Variants in PGAP2 observed in about 807,000 individuals in gnomAD.
PGAP2 encodes the protein post-GPI attachment to proteins 2, also known as acyltransferase PGAP2.
Under a neutral mutation model 33.2 loss-of-function variants are expected in PGAP2, and 21 were observed. That is an observed-to-expected ratio of 0.63 (90% confidence interval 0.45 to 0.91). The LOEUF (loss-of-function observed/expected upper bound fraction) is 0.91. Ranked by LOEUF, PGAP2 falls within the 40% of genes least tolerant of loss-of-function variation. The pLI, the probability that PGAP2 is intolerant of heterozygous loss-of-function variation, is 0.00. For synonymous variants in PGAP2, 161 were observed against 172.9 expected, an observed-to-expected ratio of 0.93 and a Z score of 0.54; for missense variants, 345 against 424.0, an observed-to-expected ratio of 0.81 and a Z score of 1.64.
chr11:3,819,502 G>C (rs937462384), intron 3 of PGAP2, among the ~76,000 whole-genome samples: 5 of 151,912 alleles, frequency 3.3e-5, no homozygotes. Flanking sequence ...GGGACAGTAC[G>C]GTAGCTAGAG....
At chr11:3,801,376 C>CTG (rs2083419414) in intron 1 of PGAP2, among the ~76,000 whole-genome samples, 1 of 152,162 alleles carries the variant, frequency 6.6e-6, no homozygotes, top group Admixed American at 6.5e-5. Context: ...GGCATGGTGG[C>CTG]TCAAGCCTGT....
chr11:3,822,320 C>T (rs1283113741), intron 3 of PGAP2, among the ~76,000 whole-genome samples: 4 of 151,968 alleles, frequency 2.6e-5, no homozygotes, highest in East Asian at 1.9e-4. Flanking sequence ...GCCAAGATCG[C>T]GCCACTGCAC....
In PGAP2 at chr11:3,810,789, G is replaced by T. The variant is rs117734721; in HGVS notation, c.-10-461G>T. Among the ~76,000 whole-genome samples, 1,272 of 152,336 alleles carry T rather than the reference G, an allele frequency of 8.3e-3. 11 individuals carry two copies. The highest frequency in any genetic ancestry group is 0.015 in the Non-Finnish European group (1,033 of 68,030). On this transcript the variant is annotated intron_variant, in intron 1 of 6. Transcript: ENST00000278243. ...AGGTGCAGGAGGGCCCTGGGCCAGT[G>T]GGGAAGCAAATGAGAGCTGATGAGA...
intron 2 of PGAP2, among the ~76,000 whole-genome samples, chr11:3,815,288 G>A (rs2134570928): frequency 6.6e-6 from 1 of 151,742 alleles, no homozygotes; most frequent in Admixed American, 6.6e-5. Flanking sequence ...ACAGTAATGA[G>A]GGGCCTTGAG....
At chr11:3,801,443 C>T (rs1241189832) in intron 1 of PGAP2, among the ~76,000 whole-genome samples, 1 of 146,230 alleles carries the variant, frequency 6.8e-6, no homozygotes. Flanking sequence ...GAGATCGAGA[C>T]CATCCTGGCT....
Position 3,823,864 on chromosome 11 carries a change from A to G in PGAP2, c.349-19A>G. The G allele has an allele frequency of 1.3e-6, 2 of 1,599,422 alleles. No homozygotes were observed. The highest frequency in any genetic ancestry group is 2.2e-5 in the South Asian group (2 of 91,068). On this transcript the variant is annotated intron_variant, in intron 3 of 6. Coordinates refer to ENST00000278243, the MANE Select transcript of PGAP2 (RefSeq NM_014489.4). ...GGGGCTGGCAGAGGCAGATGCCCAG[A>G]CAGGTCACAACTCTCTAGGTGCCCA...
At chr11:3,822,014 G>T (rs112826947) in intron 3 of PGAP2, among the ~76,000 whole-genome samples, 7,153 of 151,514 alleles carry the variant, frequency 0.047, 574 homozygotes, top group African/African-American at 0.16. Context: ...GCCGAGATCG[G>T]GCTATGGCAC....
In PGAP2 at chr11:3,824,378, T is replaced by A. The variant is rs2089593671; in HGVS notation, c.708+2T>A. 8.1e-6 allele frequency: 13 copies of A among 1,614,096 alleles called. No individual in the cohort carries two copies. Among genetic ancestry groups the A allele is most frequent in the Non-Finnish European group, 1.1e-5 (13 of 1,179,974 alleles). Reference sequence around the variant, plus strand: ...AAGAAGCACACAGTAAGTCAGGAGGTACGGTCTATCCCTAGCGGGGGCTCC... The same window carrying A: ...AAGAAGCACACAGTAAGTCAGGAGGAACGGTCTATCCCTAGCGGGGGCTCC... On this transcript the variant is annotated splice_donor_variant, in intron 5 of 6. Coordinates refer to ENST00000278243, the MANE Select transcript of PGAP2 (RefSeq NM_014489.4). LOFTEE classifies it high-confidence loss of function.
chr11:3,814,786 T>TTC (rs1324481382), intron 2 of PGAP2, among the ~76,000 whole-genome samples: 1 of 108,536 alleles, frequency 9.2e-6, no homozygotes, highest in African/African-American at 2.8e-5. Flanking sequence ...CTTTCTTTCT[T>TTC]TCTTTCTTTC....
At chr11:3,825,299 A>G (rs775749651) in intron 6 of PGAP2, 29 bp from the exon 7 acceptor site, 6 of 1,607,772 alleles carry the variant, frequency 3.7e-6, no homozygotes, top group East Asian at 2.2e-5. Flanking sequence ...GAAGTTCACC[A>G]TGTCCTGTTC....
At chr11:3,823,736 G>A (rs2089431891) in intron 3 of PGAP2, 147 bp from the exon 4 acceptor site, 1 of 1,598,492 alleles carries the variant, frequency 6.3e-7, no homozygotes, top group African/African-American at 1.3e-5. Context: ...GGTCTTTTGG[G>A]AGAGGTATGG....
chr11:3,804,034 G>A (rs556476368), upstream of PGAP2, among the ~76,000 whole-genome samples: 28 of 149,874 alleles, frequency 1.9e-4, no homozygotes, highest in South Asian at 1.5e-3. Context: ...CAGGCGATCC[G>A]CCTGCCTCAG....
At chr11:3,809,846 A>G (rs761588484) in intron 1 of PGAP2, among the ~76,000 whole-genome samples, 2 of 152,134 alleles carry the variant, frequency 1.3e-5, no homozygotes, top group African/African-American at 4.8e-5. Context: ...GCTGGGGGAA[A>G]ATGGGTGAGA....
chr11:3,813,418 A>G (rs1245970680), intron 2 of PGAP2, among the ~76,000 whole-genome samples: 1 of 150,722 alleles, frequency 6.6e-6, no homozygotes, highest in Non-Finnish European at 1.5e-5. Context: ...GGGTCTCGCC[A>G]TGTTGCCTAG....
At chr11:3,822,243 A>G (rs1590382044) in intron 3 of PGAP2, among the ~76,000 whole-genome samples, 1 of 151,956 alleles carries the variant, frequency 6.6e-6, no homozygotes, top group Admixed American at 6.6e-5. Flanking sequence ...GGGCGCCTGT[A>G]GTCCCAGCTA....
chr11:3,797,912 C>T (rs866937011), exon 1 of PGAP2: 1 of 1,548,202 alleles, frequency 6.5e-7, no homozygotes, highest in Non-Finnish European at 8.7e-7. Flanking sequence ...ACTCCGCCCC[C>T]TTCCTTGGAG....
intron 5 of PGAP2, 122 bp from the exon 6 acceptor site, chr11:3,824,898 T>C: frequency 6.6e-7 from 1 of 1,509,930 alleles, no homozygotes; most frequent in African/African-American, 1.4e-5. Context: ...TGTGCTCCCT[T>C]CCATGACCGC....
upstream of PGAP2, among the ~76,000 whole-genome samples, chr11:3,806,499 T>C (rs1425664944): frequency 2.6e-5 from 4 of 152,078 alleles, no homozygotes; most frequent in East Asian, 1.9e-4. Flanking sequence ...TCCTCCACCA[T>C]TGCTCCACAT....
intron 1 of PGAP2, among the ~76,000 whole-genome samples, chr11:3,800,998 G>T (rs2083364490): frequency 6.6e-6 from 1 of 151,312 alleles, no homozygotes; most frequent in Non-Finnish European, 1.5e-5. Flanking sequence ...GCCGGGTGTG[G>T]TGGCTCATGC....
Sources: gnomAD v4.1 joint callset for allele counts (sites outside exome capture counted in the v4.1 genomes callset) on GRCh38, gnomAD v4.1.1 for gene constraint, MANE v1.5 for transcripts, NCBI Gene and HGNC (gene_info 2026-07-23, HGNC 2026-07-21) for gene names.